PPP3CA: variants seen among roughly 807,000 people sequenced by gnomAD.
PPP3CA encodes the protein CAM-PRP catalytic subunit.
Under a neutral mutation model 66.5 loss-of-function variants are expected in PPP3CA, and 14 were observed. The observed-to-expected ratio is 0.21, with a 90% CI of 0.14 to 0.33. The LOEUF (loss-of-function observed/expected upper bound fraction) is 0.33. PPP3CA is among the 10% of genes least tolerant of loss of function. The probability of loss-of-function intolerance (pLI) is 1.00; values close to 1 mark genes in which losing one functional copy is unlikely to be tolerated. For synonymous variants in PPP3CA, 232 were observed against 226.2 expected (o/e 1.03, Z -0.23); for missense variants, 317 against 639.5 (o/e 0.50, Z 5.44).
intron 1 of PPP3CA, among the ~76,000 whole-genome samples, chr4:101,300,639 T>C (rs565152100): frequency 1.3e-5 from 2 of 151,856 alleles, no homozygotes; most frequent in African/African-American, 4.8e-5. Context: ...TACTAAAAAA[T>C]AGAAAAAAAT....
chr4:101,200,408 CA>C (rs1172477132), intron 1 of PPP3CA, among the ~76,000 whole-genome samples: 6 of 152,166 alleles, frequency 3.9e-5, no homozygotes, highest in South Asian at 4.2e-4. Context: ...TATATGGTAT[CA>C]ATCAGTAGAT....
chr4:101,163,364 C>T (rs775296735), intron 2 of PPP3CA, among the ~76,000 whole-genome samples: 3 of 152,092 alleles, frequency 2.0e-5, no homozygotes, highest in Non-Finnish European at 4.4e-5. Flanking sequence ...CCCTGAGGTC[C>T]CTTCTCTCAA....
At chr4:101,332,600 A>G (rs1729424296) in intron 1 of PPP3CA, among the ~76,000 whole-genome samples, 1 of 152,224 alleles carries the variant, frequency 6.6e-6, no homozygotes, top group Non-Finnish European at 1.5e-5. Flanking sequence ...TTCTACAAGT[A>G]AAAAGCATGT....
chr4:101,102,570 T>C (rs1170839774), intron 3 of PPP3CA, among the ~76,000 whole-genome samples: 1 of 152,136 alleles, frequency 6.6e-6, no homozygotes, highest in East Asian at 1.9e-4. Flanking sequence ...GCATTCTCCC[T>C]CAACATCTGG....
At chr4:101,219,642 AT>A (rs3840153) in intron 1 of PPP3CA, among the ~76,000 whole-genome samples, 8 of 151,266 alleles carry the variant, frequency 5.3e-5, no homozygotes, top group African/African-American at 1.5e-4. Flanking sequence ...TAGAAGCTCT[AT>A]TTTTTTTAAT....
chr4:101,187,058 G>A (rs1193263734), intron 2 of PPP3CA, among the ~76,000 whole-genome samples: 1 of 152,152 alleles, frequency 6.6e-6, no homozygotes, highest in Non-Finnish European at 1.5e-5. Context: ...ATATCCTGCT[G>A]AGTGGTACAA....
chr4:101,230,892 G>A (rs1429697488), intron 1 of PPP3CA, among the ~76,000 whole-genome samples: 1 of 151,694 alleles, frequency 6.6e-6, no homozygotes, highest in African/African-American at 2.4e-5. Flanking sequence ...AAGACTTTCT[G>A]TGTATTCTCT....
chr4:101,033,256 G>GTA (rs1727075391), intron 11 of PPP3CA, among the ~76,000 whole-genome samples: 1 of 148,564 alleles, frequency 6.7e-6, no homozygotes, highest in African/African-American at 2.5e-5. Context: ...ATATTTGCGT[G>GTA]TATATATACA....
intron 10 of PPP3CA, among the ~76,000 whole-genome samples, chr4:101,042,173 CTTTTT>C (rs558866853): frequency 3.3e-5 from 3 of 91,160 alleles, no homozygotes; most frequent in Admixed American, 2.2e-4. Flanking sequence ...AAGGTCTTTG[CTTTTT>C]TTTTTTTTTT....
chr4:101,140,133 AT>A (rs1420958843), intron 2 of PPP3CA, among the ~76,000 whole-genome samples: 12 of 152,284 alleles, frequency 7.9e-5, no homozygotes, highest in Admixed American at 2.0e-4. Context: ...TTACATAGCA[AT>A]TTTTAAAAGG....
At chr4:101,030,485 G>GTAAGT (rs1212674441) in intron 12 of PPP3CA, among the ~76,000 whole-genome samples, 3 of 152,048 alleles carry the variant, frequency 2.0e-5, no homozygotes, top group Admixed American at 6.5e-5. Context: ...AAAATATATA[G>GTAAGT]TAAGTTTTCA....
At chr4:101,108,092 G>A (rs1285711509) in intron 3 of PPP3CA, 2 of 152,156 alleles carry the variant, frequency 1.3e-5, no homozygotes, top group Admixed American at 6.5e-5. Context: ...GATGCAGATG[G>A]GAGGCTGTGG....
At position 101,337,827 on chromosome 4, in the gene PPP3CA, C is replaced by A. The variant is rs547578881; in HGVS notation, c.58+8912G>T. 1.5e-3 allele frequency among the ~76,000 whole-genome samples: 233 copies of A among 152,296 alleles called. 3 individuals are homozygous for A. The South Asian group carries it at 0.021, about 13-fold the overall frequency. On this transcript the variant is annotated intron_variant, in intron 1 of 13. Transcript: ENST00000394854. ...GAGCAAGTGCCTCACTATACTGCCA[C>A]TCTGTTGGTGTGGAGTCCAGTACTG... is the stretch of plus-strand genomic sequence containing the variant.
intron 1 of PPP3CA, among the ~76,000 whole-genome samples, chr4:101,278,639 G>A (rs929474633): frequency 1.3e-5 from 2 of 152,202 alleles, no homozygotes; most frequent in Non-Finnish European, 2.9e-5. Context: ...ATAATTCTGA[G>A]GTGTGTCGGC....
At chr4:101,317,316 T>C (rs1024697031) in intron 1 of PPP3CA, among the ~76,000 whole-genome samples, 3 of 148,688 alleles carry the variant, frequency 2.0e-5, no homozygotes, top group African/African-American at 7.8e-5. Context: ...ATTTCTCCAA[T>C]AGTAAAGTGA....
intron 2 of PPP3CA, among the ~76,000 whole-genome samples, chr4:101,112,640 G>T (rs558123940): frequency 4.5e-4 from 69 of 152,138 alleles, no homozygotes; most frequent in Admixed American, 2.0e-3. Context: ...TTTCTTCCTC[G>T]AATTTTCATA....
intron 1 of PPP3CA, among the ~76,000 whole-genome samples, chr4:101,243,339 G>A (rs1726372316): frequency 1.3e-5 from 2 of 152,066 alleles, no homozygotes; most frequent in African/African-American, 4.8e-5. Context: ...TGCCCATTCT[G>A]AACCACGTAT....
intron 1 of PPP3CA, among the ~76,000 whole-genome samples, chr4:101,228,988 C>G (rs1357161511): frequency 6.6e-6 from 1 of 151,606 alleles, no homozygotes; most frequent in Non-Finnish European, 1.5e-5. Flanking sequence ...AGCATGCAAA[C>G]TCCTGTCACT....
chr4:101,266,013 T>C (rs1727158721), intron 1 of PPP3CA, among the ~76,000 whole-genome samples: 1 of 152,196 alleles, frequency 6.6e-6, no homozygotes, highest in Non-Finnish European at 1.5e-5. Flanking sequence ...TGAATCACCT[T>C]TATATATAGA....
Sources: allele counts gnomAD v4.1 joint callset (sites outside exome capture counted in the v4.1 genomes callset), GRCh38; gene constraint gnomAD v4.1.1; transcripts MANE v1.5; gene names NCBI Gene and HGNC (gene_info 2026-07-23, HGNC 2026-07-21).